The following RGPD1 variants were observed in gnomAD, a reference collection of about 807,000 sequenced individuals.
RGPD1 encodes RANBP2-like and GRIP domain-containing protein 1.
Under a neutral mutation model 40.6 loss-of-function variants are expected in RGPD1, and 7 were observed. The ratio of observed to expected loss-of-function variants is 0.17; its 90% CI spans 0.10 to 0.32. The LOEUF is 0.32. Ranked by LOEUF, RGPD1 falls within the 10% of genes least tolerant of loss-of-function variation. The pLI is 1.00. For missense variants in RGPD1, 50 were observed against 472.5 expected (o/e 0.11, Z 8.29); for synonymous variants, 24 against 167.0 (o/e 0.14, Z 6.60).
rs1291032171 is a variant in RGPD1, at chr2:86,914,314, G to C, written c.72+393G>C. Among the ~76,000 whole-genome samples, 62 of 59,136 alleles carry C rather than the reference G, an allele frequency of 1.0e-3. 3 individuals are homozygous for C. Among genetic ancestry groups the C allele is most frequent in the Non-Finnish European group, 1.5e-3 (45 of 30,444 alleles). 38.8% of individuals were successfully genotyped at this position (59,136 alleles called of 152,430 possible). A position where few individuals can be genotyped will look rare whatever the true frequency, so the allele number is the denominator to read the frequency against. On this transcript the variant is annotated intron_variant, in intron 1 of 22. Coordinates refer to the RGPD1 transcript ENST00000398193. The stretch of plus-strand genomic sequence containing the variant: ...CGGCGGCGGCGGCGGCGGCGGCGGC[G>C]GCGGCCTCGGCCTGGCCGGGCGGCG...
At chr2:86,942,961 C>T (rs1488073997) in intron 1 of RGPD1, among the ~76,000 whole-genome samples, 3 of 151,930 alleles carry the variant, frequency 2.0e-5, no homozygotes, top group Non-Finnish European at 2.9e-5. Flanking sequence ...CCCATAGTAC[C>T]CGCGCGGCCT....
chr2:86,924,274 GC>G (rs762684130), intron 1 of RGPD1, among the ~76,000 whole-genome samples: 5 of 151,890 alleles, frequency 3.3e-5, no homozygotes, highest in Non-Finnish European at 7.4e-5. Flanking sequence ...TCATGCCTCA[GC>G]CTCCCCAGTA....
At chr2:86,943,273 G>GCC (rs1205312059) in intron 1 of RGPD1, among the ~76,000 whole-genome samples, 18 of 74,678 alleles carry the variant, frequency 2.4e-4, no homozygotes, top group African/African-American at 4.9e-4. Context: ...CACCTCCCTC[G>GCC]CCCCCCCCCC....
At chr2:86,924,440 C>G (rs1419580729) in intron 1 of RGPD1, among the ~76,000 whole-genome samples, 1 of 150,580 alleles carries the variant, frequency 6.6e-6, no homozygotes, top group Non-Finnish European at 1.5e-5. Flanking sequence ...CAGGTGTGAG[C>G]CACCATGCCC....
chr2:86,931,905 A>T (rs1252098918), intron 1 of RGPD1, among the ~76,000 whole-genome samples: 1 of 148,506 alleles, frequency 6.7e-6, no homozygotes, highest in Non-Finnish European at 1.5e-5. Flanking sequence ...AGACATATAG[A>T]CAGAGAAGAT....
chr2:86,945,864 G>A (rs1465724561), intron 1 of RGPD1, among the ~76,000 whole-genome samples: 2 of 143,660 alleles, frequency 1.4e-5, no homozygotes, highest in African/African-American at 2.6e-5. Flanking sequence ...GTGACAGAGC[G>A]AGACTCTGTC....
chr2:86,944,264 C>T (rs1381507967), intron 1 of RGPD1, among the ~76,000 whole-genome samples: 1 of 152,066 alleles, frequency 6.6e-6, no homozygotes, highest in African/African-American at 2.4e-5. Context: ...TCTATTCCTC[C>T]AGAGAAGAAG....
At chr2:86,929,889 G>T (rs1678793678) in intron 1 of RGPD1, among the ~76,000 whole-genome samples, 1 of 141,136 alleles carries the variant, frequency 7.1e-6, no homozygotes, top group African/African-American at 2.5e-5. Flanking sequence ...GACTAGGGCT[G>T]TTTCTGGTGG....
At chr2:86,919,742 A>T in intron 1 of RGPD1, among the ~76,000 whole-genome samples, 1 of 124,526 alleles carries the variant, frequency 8.0e-6, no homozygotes, top group Non-Finnish European at 1.6e-5. Context: ...AGTGCCATTT[A>T]CCTGTTTTTC....
intron 1 of RGPD1, among the ~76,000 whole-genome samples, chr2:86,914,483 T>C (rs1225189866): frequency 4.4e-4 from 2 of 4,504 alleles, no homozygotes; most frequent in African/African-American, 3.3e-3. Context: ...GGCCTCGGCC[T>C]CGGCCTGGCC....
In RGPD1 at chr2:86,989,380, A is replaced by AT. The variant is rs1387374671; in HGVS notation, c.4900+1590dup. ...TACAATGATAAAATAACAATCTCTG[A>AT]TTTTTTTTTGAGTATACCAGTTTTA... On this transcript the variant is annotated intron_variant, in intron 20 of 22. Coordinates refer to ENST00000641458, the MANE Select transcript of RGPD1 (RefSeq NM_001382344.1). Among the ~76,000 whole-genome samples, 9 of 114,936 alleles carry AT rather than the reference A, an allele frequency of 7.8e-5. 1 individual carries two copies. Among genetic ancestry groups the AT allele is most frequent in the Admixed American group, 1.7e-4 (2 of 11,966 alleles). The allele number at this position is 114,936 out of a possible 152,430, so 75.4% of individuals were successfully genotyped here. A position where few individuals can be genotyped will look rare whatever the true frequency, so the allele number is the denominator to read the frequency against.
chr2:86,960,613 G>A lies in RGPD1; in HGVS notation c.779+2186G>A, dbSNP rs527428864. Among the ~76,000 whole-genome samples, 66 of 129,558 alleles carry A rather than the reference G, an allele frequency of 5.1e-4. 5 individuals are homozygous for A. The South Asian group carries it at 0.013, about 26-fold the overall frequency. The allele number at this position is 129,558 out of a possible 152,430, so 85.0% of individuals were successfully genotyped here. ...CTCGATCTTTTTTTTTTTTTGAGAC[G>A]GAGTCTCGCTCTGTTGCCCAGGCTG... On this transcript the variant is annotated intron_variant, in intron 6 of 22. Transcript: ENST00000641458.
intron 22 of RGPD1, among the ~76,000 whole-genome samples, chr2:87,009,317 A>C (rs1278327540): frequency 5.0e-5 from 1 of 19,980 alleles, no homozygotes; most frequent in Non-Finnish European, 1.1e-4. Flanking sequence ...AAAAAAAAAA[A>C]AAAAAGAGAA....
At chr2:86,924,180 G>C (rs541197869) in intron 1 of RGPD1, among the ~76,000 whole-genome samples, 11 of 149,440 alleles carry the variant, frequency 7.4e-5, no homozygotes, top group African/African-American at 2.2e-4. Flanking sequence ...GAGGGGGACA[G>C]AGTCTTGCTG....
At chr2:86,914,968 C>G (rs1242378134) in intron 1 of RGPD1, among the ~76,000 whole-genome samples, 1 of 144,346 alleles carries the variant, frequency 6.9e-6, no homozygotes, top group Non-Finnish European at 1.5e-5. Context: ...GCCTAAGGTA[C>G]TTCTGTTGGG....
In RGPD1 at chr2:86,942,626, G is replaced by A. The variant is rs1193931609; in HGVS notation, c.72+318G>A. Among the ~76,000 whole-genome samples, 42 of 137,628 alleles carry A rather than the reference G, an allele frequency of 3.1e-4. No individual in the cohort carries two copies. In the South Asian group the frequency reaches 9.5e-3, roughly 31 times the overall value. The allele number at this position is 137,628 out of a possible 152,430, so 90.3% of individuals were successfully genotyped here. On this transcript the variant is annotated intron_variant, in intron 1 of 22. Coordinates refer to ENST00000641458, the MANE Select transcript of RGPD1 (RefSeq NM_001382344.1). ...CCCGACGGGCGCTGCTCCCTGGCGC[G>A]CTCTGTTGAGGCGCCGGCCTCGACC...
rs1251060443 is a variant in RGPD1 at position 86,930,529 on chromosome 2, G to A, written c.72+16608G>A. The stretch of plus-strand genomic sequence containing the variant: ...AGCCTGAGTTTAGCTCGTCGGTGGC[G>A]GAAGGCCCAACAGCAGCTAAAGAGG... On this transcript the variant is annotated intron_variant, in intron 1 of 22. Transcript: ENST00000398193. The A allele has an allele frequency of 1.5e-5, 23 of 1,566,084 alleles. 1 individual carries two copies. Among genetic ancestry groups the A allele is most frequent in the Non-Finnish European group, 1.8e-5 (20 of 1,142,470 alleles).
At chr2:86,923,346 G>T (rs969171937) in intron 1 of RGPD1, among the ~76,000 whole-genome samples, 8 of 151,606 alleles carry the variant, frequency 5.3e-5, no homozygotes, top group African/African-American at 2.0e-4. Flanking sequence ...GGCCTCCATG[G>T]TGTTATTCTT....
intron 1 of RGPD1, among the ~76,000 whole-genome samples, chr2:86,944,863 C>T (rs1459273569): frequency 5.9e-5 from 9 of 151,948 alleles, no homozygotes; most frequent in Admixed American, 2.0e-4. Context: ...ATGCCAGCTA[C>T]AGGCATGCGC....
Sources: allele counts gnomAD v4.1 joint callset (sites outside exome capture counted in the v4.1 genomes callset), GRCh38; gene constraint gnomAD v4.1.1; transcripts MANE v1.5; gene names NCBI Gene and HGNC (gene_info 2026-07-23, HGNC 2026-07-21).